Variants in TMEM131L observed in about 807,000 individuals in gnomAD.
TMEM131L encodes the protein transmembrane 131 like, also known as transmembrane protein 131-like.
TMEM131L carries 54 observed loss-of-function variants against 192.2 expected under a neutral mutation model. The ratio of observed to expected loss-of-function variants is 0.28; its 90% CI spans 0.23 to 0.35. The LOEUF is 0.35. Among genes scored for constraint, TMEM131L ranks in the 10% least tolerant of loss-of-function variants. The pLI, the probability that TMEM131L is intolerant of heterozygous loss-of-function variation, is 1.00. For synonymous variants in TMEM131L, 701 were observed against 704.9 expected, an observed-to-expected ratio of 0.99 and a Z score of 0.09; for missense variants, 1,888 against 1,972.9, an observed-to-expected ratio of 0.96 and a Z score of 0.82.
chr4:153,466,412 A>G lies in TMEM131L; in HGVS notation c.15A>G (p.Arg5=). ...CGAGCAGCAGCATGGCGGGGCTCCG[A>G]CGCCCGCAGCCCGGCTGCTACTGCC... MAGL[R]RPQPGCYCRT... Residue 5 remains arginine, a synonymous_variant, in exon 1 of 35, where the codon CGA becomes CGG. Coordinates refer to ENST00000409959, the MANE Select transcript of TMEM131L (RefSeq NM_001131007.2). 1.5e-6 allele frequency: 2 copies of G among 1,351,180 alleles called. No homozygotes were observed. Among genetic ancestry groups the G allele is most frequent in the Non-Finnish European group, 9.6e-7 (1 of 1,045,816 alleles). 83.7% of individuals were successfully genotyped at this position (1,351,180 alleles called of 1,614,324 possible).
At chr4:153,607,794 A>C (rs559215491) in intron 25 of TMEM131L, among the ~76,000 whole-genome samples, 1 of 152,226 alleles carries the variant, frequency 6.6e-6, no homozygotes, top group Non-Finnish European at 1.5e-5. Flanking sequence ...CTTTGACTAC[A>C]TACTTGCCAT....
chr4:153,612,143 T>C, intron 25 of TMEM131L, 109 bp from the exon 26 acceptor site: 1 of 738,484 alleles, frequency 1.4e-6, no homozygotes. Flanking sequence ...CAATGCTAAA[T>C]TTAATTTAAC....
chr4:153,538,314 C>T (rs1178165426), intron 3 of TMEM131L, among the ~76,000 whole-genome samples: 1 of 152,134 alleles, frequency 6.6e-6, no homozygotes, highest in Non-Finnish European at 1.5e-5. Context: ...CATGGAGGTC[C>T]TTGTACGTCC....
intron 3 of TMEM131L, among the ~76,000 whole-genome samples, chr4:153,549,809 A>G (rs376141880): frequency 3.2e-4 from 48 of 152,360 alleles, no homozygotes; most frequent in African/African-American, 1.1e-3. Context: ...GGCTATTACA[A>G]ATTAAATCCA....
chr4:153,622,149 G>C (rs1049304790), intron 28 of TMEM131L, among the ~76,000 whole-genome samples: 3 of 152,136 alleles, frequency 2.0e-5, no homozygotes, highest in Admixed American at 6.5e-5. Context: ...TTGGTGAAAG[G>C]GGGGAGTAGC....
At chr4:153,599,682 A>C (rs1044461408) in intron 21 of TMEM131L, among the ~76,000 whole-genome samples, 1 of 152,244 alleles carries the variant, frequency 6.6e-6, no homozygotes, top group African/African-American at 2.4e-5. Context: ...AAAGTGTGCT[A>C]ACCAATAGCA....
chr4:153,612,761 T>A (rs1471098186), intron 26 of TMEM131L, among the ~76,000 whole-genome samples: 1 of 151,300 alleles, frequency 6.6e-6, no homozygotes, highest in Admixed American at 6.6e-5. Context: ...TTTGTCTGTC[T>A]TTGTCCTCAT....
At chr4:153,568,015 C>G (rs1375009504) in intron 7 of TMEM131L, among the ~76,000 whole-genome samples, 4 of 152,160 alleles carry the variant, frequency 2.6e-5, no homozygotes, top group African/African-American at 7.2e-5. Flanking sequence ...CTGTCAATCT[C>G]TGGAAAATGA....
chr4:153,504,948 T>C (rs962458207), intron 3 of TMEM131L, among the ~76,000 whole-genome samples: 4 of 152,148 alleles, frequency 2.6e-5, no homozygotes, highest in African/African-American at 9.7e-5. Flanking sequence ...GGGGCATGTG[T>C]GAGCAGAGGA....
At chr4:153,552,224 T>A (rs552719283) in intron 4 of TMEM131L, among the ~76,000 whole-genome samples, 5 of 151,344 alleles carry the variant, frequency 3.3e-5, no homozygotes, top group Non-Finnish European at 5.9e-5. Context: ...AAAAAAAGAG[T>A]CTTTATTGTG....
chr4:153,582,433 GTTTTTTTTT>G (rs1038256479), intron 9 of TMEM131L, among the ~76,000 whole-genome samples: 4 of 40,336 alleles, frequency 9.9e-5, no homozygotes, highest in Middle Eastern at 0.022. Flanking sequence ...TTTTTTTGTT[GTTTTTTTTT>G]TTTTTTTTTT....
intron 3 of TMEM131L, among the ~76,000 whole-genome samples, chr4:153,531,601 A>G (rs1735904969): frequency 6.6e-6 from 1 of 152,238 alleles, no homozygotes; most frequent in Non-Finnish European, 1.5e-5. Flanking sequence ...CTTATTATAC[A>G]GTATTTTATT....
intron 3 of TMEM131L, among the ~76,000 whole-genome samples, chr4:153,489,106 G>C (rs973196048): frequency 6.6e-6 from 1 of 152,156 alleles, no homozygotes; most frequent in Non-Finnish European, 1.5e-5. Context: ...GGGGTTGGTG[G>C]AGACACAGTT....
intron 20 of TMEM131L, among the ~76,000 whole-genome samples, chr4:153,598,289 A>T (rs1022545803): frequency 6.6e-6 from 1 of 151,092 alleles, no homozygotes; most frequent in Non-Finnish European, 1.5e-5. Context: ...GTTTCTAGTT[A>T]TTAGAAAAAT....
At chr4:153,481,755 C>T (rs1731955863) in intron 3 of TMEM131L, among the ~76,000 whole-genome samples, 1 of 152,060 alleles carries the variant, frequency 6.6e-6, no homozygotes, top group Non-Finnish European at 1.5e-5. Context: ...GCAGTCTTGT[C>T]TCGAACTCCT....
chr4:153,584,378 A>G (rs1356864518), intron 11 of TMEM131L, among the ~76,000 whole-genome samples: 1 of 152,178 alleles, frequency 6.6e-6, no homozygotes, highest in Non-Finnish European at 1.5e-5. Flanking sequence ...TATAACTTTA[A>G]AAAAGTTGGT....
At chr4:153,577,198 G>T (rs531961040) in intron 7 of TMEM131L, among the ~76,000 whole-genome samples, 1 of 152,262 alleles carries the variant, frequency 6.6e-6, no homozygotes, top group East Asian at 1.9e-4. Flanking sequence ...GACCAGTGAG[G>T]TTGGAGCATG....
At chr4:153,619,288 C>T (rs937456193) in intron 26 of TMEM131L, among the ~76,000 whole-genome samples, 15 of 152,038 alleles carry the variant, frequency 9.9e-5, no homozygotes, top group African/African-American at 2.2e-4. Context: ...CTTGAGTGGA[C>T]GGGGGTGGGA....
chr4:153,508,938 C>T (rs556851489), intron 3 of TMEM131L, among the ~76,000 whole-genome samples: 7 of 152,032 alleles, frequency 4.6e-5, no homozygotes, highest in African/African-American at 1.7e-4. Flanking sequence ...GCCACCACGC[C>T]CAGCCTAGTG....
Sources: gnomAD v4.1 joint callset for allele counts (sites outside exome capture counted in the v4.1 genomes callset) on GRCh38, gnomAD v4.1.1 for gene constraint, MANE v1.5 for transcripts, NCBI Gene and HGNC (gene_info 2026-07-23, HGNC 2026-07-21) for gene names.